The following ZNF577 variants were observed in gnomAD, a reference collection of about 807,000 sequenced individuals.
The protein encoded by ZNF577 is zinc finger protein 577.
Under a neutral mutation model 13.9 loss-of-function variants are expected in ZNF577, and 14 were observed. The observed-to-expected ratio is 1.00, with a 90% CI of 0.66 to 1.57. The LOEUF (loss-of-function observed/expected upper bound fraction) is 1.57. Among genes scored for constraint, ZNF577 ranks in the 40% most tolerant of loss-of-function variants. The pLI is 0.00. For missense variants in ZNF577, 555 were observed against 579.2 expected (o/e 0.96, Z 0.43); for synonymous variants, 203 against 202.9 (o/e 1.00, Z 0.00).
intron 9 of ZNF577, among the ~76,000 whole-genome samples, chr19:51,817,337 A>G (rs1042397170): frequency 1.3e-5 from 2 of 152,190 alleles, no homozygotes; most frequent in East Asian, 1.9e-4. Flanking sequence ...CTAAAGTTCT[A>G]TGTCACCAAA....
intron 9 of ZNF577, among the ~76,000 whole-genome samples, chr19:51,838,848 AT>A (rs1239680867): frequency 6.6e-6 from 1 of 151,958 alleles, no homozygotes; most frequent in African/African-American, 2.4e-5. Context: ...GTAATAAATA[AT>A]TGTTGTAAGG....
intron 9 of ZNF577, chr19:51,825,146 C>T (rs2084223479): frequency 4.0e-6 from 1 of 248,034 alleles, no homozygotes; most frequent in South Asian, 1.1e-4. Context: ...TCAGGGTTCC[C>T]ACTACCCCCT....
At chr19:51,845,414 G>A (rs765307856) in intron 5 of ZNF577, among the ~76,000 whole-genome samples, 4 of 151,934 alleles carry the variant, frequency 2.6e-5, no homozygotes, top group Non-Finnish European at 4.4e-5. Context: ...GCTTGAACCC[G>A]GGAGGTGGAG....
intron 3 of ZNF577, among the ~76,000 whole-genome samples, chr19:51,879,570 G>A (rs1363063326): frequency 6.6e-6 from 1 of 152,008 alleles, no homozygotes. Context: ...ACTCCAACTT[G>A]GGGGGAGAAA....
At position 51,824,008 on chromosome 19, in the gene ZNF577, T is replaced by A; in HGVS notation, c.*600-12334A>T. 1 of 1,614,136 alleles carries A rather than the reference T, an allele frequency of 6.2e-7. No individual in the cohort carries two copies. The highest frequency in any genetic ancestry group is 1.1e-5 in the South Asian group (1 of 91,072). ...CCATTCCGAATGGTCTCAGTCGCCA[T>A]GAGAGAAAAATGGCCTTTTGGCTCA... On this transcript the variant is annotated intron_variant and NMD_transcript_variant, in intron 9 of 10. Coordinates refer to the ZNF577 transcript ENST00000638827. The surrounding 1 kb of genome is among the most constrained non-coding windows in gnomAD (Gnocchi z 4.7).
At chr19:51,866,510 T>C (rs187841403), downstream of ZNF577, among the ~76,000 whole-genome samples, 222 of 152,346 alleles carry the variant, frequency 1.5e-3, no homozygotes, top group African/African-American at 4.2e-3. Flanking sequence ...AAGAGCCCTG[T>C]TGGCCCACAC....
intron 9 of ZNF577, among the ~76,000 whole-genome samples, chr19:51,818,708 C>T (rs1038245537): frequency 1.3e-5 from 2 of 152,136 alleles, no homozygotes; most frequent in Admixed American, 6.5e-5. Flanking sequence ...TGGCAAGAAG[C>T]TGGCATGGTC....
chr19:51,841,862 G>GCTTGCC (rs1429341195), intron 8 of ZNF577, among the ~76,000 whole-genome samples: 1 of 152,144 alleles, frequency 6.6e-6, no homozygotes, highest in Non-Finnish European at 1.5e-5. Flanking sequence ...CCAATCATAA[G>GCTTGCC]CTTGCCACAT....
At chr19:51,863,593 A>C (rs1000062805), downstream of ZNF577, among the ~76,000 whole-genome samples, 1 of 152,196 alleles carries the variant, frequency 6.6e-6, no homozygotes, top group African/African-American at 2.4e-5. Flanking sequence ...AATAAAGCAA[A>C]TTGGTAAAAT....
intron 9 of ZNF577, among the ~76,000 whole-genome samples, chr19:51,835,279 T>C (rs1262712942): frequency 6.6e-6 from 1 of 152,042 alleles, no homozygotes; most frequent in Non-Finnish European, 1.5e-5. Context: ...CTTTATAACA[T>C]TATATTTGAC....
chr19:51,844,614 C>CTGGCTACTCTTGATCATTTA (rs2084340459), intron 6 of ZNF577: 1 of 152,236 alleles, frequency 6.6e-6, no homozygotes. Context: ...CCCTTCCTAA[C>CTGGCTACTCTTGATCATTTA]TGGCTACTCT....
chr19:51,877,304 T>C lies in ZNF577; in HGVS notation c.261A>G (p.Ala87=), dbSNP rs1303583406. 2 of 1,614,160 alleles carry C rather than the reference T, an allele frequency of 1.2e-6. No individual in the cohort carries two copies. Among genetic ancestry groups the C allele is most frequent in the Admixed American group, 1.7e-5 (1 of 60,024 alleles). The change falls in exon 5 of 6, where the codon GCA becomes GCG. Residue 87 remains alanine, a synonymous_variant. Transcript: ENST00000638348. ...TACCTGGACAGATTTGACTGTGGGC[T>C]GCTCCTTCTGCTATCCCTGGGGGTT... is the stretch of plus-strand genomic sequence containing the variant. ...QGEPPGIAEG[A]AHSQICPGFV...
chr19:51,873,211 T>C lies in ZNF577; in HGVS notation c.779A>G (p.His260Arg), dbSNP rs764079170. The C allele has an allele frequency of 3.1e-6, 5 of 1,614,016 alleles. No homozygotes were observed. The South Asian group carries it at 3.3e-5, about 11-fold the overall frequency. The change falls in exon 6 of 6, where the codon CAT (histidine) becomes CGT (arginine). Residue 260 changes from histidine to arginine, a missense_variant. His to Arg is a conservative substitution (Grantham distance 29, BLOSUM62 0). Transcript: ENST00000638348. ...TTTCTCTCCAGTATGTGATCGCTGA[T>C]GTCTATTGAGCCGGCACTTCCGGCT... The part of the protein sequence containing the change: ...AFSRKCRLNR[H>R]QRSHTGEKLY...
At position 51,857,105 on chromosome 19, in the gene ZNF577, C is replaced by T. The variant is rs187152971; in HGVS notation, c.284-12174G>A. Among the ~76,000 whole-genome samples, 511 of 152,166 alleles carry T rather than the reference C, an allele frequency of 3.4e-3. 1 individual carries two copies. Among genetic ancestry groups the T allele is most frequent in the African/African-American group, 0.012 (491 of 41,504 alleles). On this transcript the variant is annotated intron_variant and NMD_transcript_variant, in intron 5 of 10. Transcript: ENST00000638827. ...CATGAGGTCAAGAGATCGAGACTAT[C>T]CTGGCCAACATGGTGAAACCCCATC...
Position 51,873,459 on chromosome 19 carries a change from C to G in ZNF577, c.531G>C (p.Gln177His). The change falls in exon 6 of 6, where the codon CAG (glutamine) becomes CAC (histidine). Residue 177 changes from glutamine to histidine, a missense_variant. Gln to His is a conservative substitution (Grantham distance 24). Coordinates refer to ENST00000638348, the MANE Select transcript of ZNF577 (RefSeq NM_001370449.1). ...GGGGTTTCTCTCCTCTTTCAGTTCT[C>G]TGATGTTGAATAAGCTGTGCTTTCC... is the stretch of plus-strand genomic sequence containing the variant. ...FSRKAQLIQH[Q>H]RTERGEKPHG... 1 of 1,614,198 alleles carries G rather than the reference C, an allele frequency of 6.2e-7. No homozygotes were observed. The highest frequency in any genetic ancestry group is 8.5e-7 in the Non-Finnish European group (1 of 1,180,026).
At chr19:51,815,807 A>G (rs1262726609) in intron 9 of ZNF577, among the ~76,000 whole-genome samples, 4 of 151,660 alleles carry the variant, frequency 2.6e-5, no homozygotes, top group African/African-American at 9.7e-5. Context: ...GGTTACAGTG[A>G]GCAGCGATCA....
At chr19:51,823,636 G>C in intron 9 of ZNF577, 1 of 877,414 alleles carries the variant, frequency 1.1e-6, no homozygotes, top group Non-Finnish European at 1.7e-6. Flanking sequence ...GCTCACTGGG[G>C]AGGGTCTGCT....
intron 9 of ZNF577, among the ~76,000 whole-genome samples, chr19:51,833,327 G>A (rs1016709428): frequency 3.3e-5 from 5 of 152,142 alleles, no homozygotes; most frequent in Admixed American, 6.5e-5. Context: ...TATACTACCT[G>A]TTGTCCAGTG....
chr19:51,847,596 T>C (rs937610096), intron 5 of ZNF577, among the ~76,000 whole-genome samples: 1 of 152,080 alleles, frequency 6.6e-6, no homozygotes, highest in Non-Finnish European at 1.5e-5. Flanking sequence ...GAGAGGATAT[T>C]TCACGAGAAA....
Sources: gnomAD v4.1 joint callset for allele counts (sites outside exome capture counted in the v4.1 genomes callset) on GRCh38, gnomAD v4.1.1 for gene constraint, Gnocchi (gnomAD v3.1) non-coding constraint, MANE v1.5 for transcripts, NCBI Gene and HGNC (gene_info 2026-07-23, HGNC 2026-07-21) for gene names.